SLC2A7: variants seen among roughly 807,000 people sequenced by gnomAD.
SLC2A7 encodes solute carrier family 2 member 7.
SLC2A7 carries 50 observed loss-of-function variants against 50.5 expected under a neutral mutation model. The ratio of observed to expected loss-of-function variants is 0.99; its 90% CI spans 0.79 to 1.25. The LOEUF is 1.25. Among genes scored for constraint, SLC2A7 ranks in the 50% most tolerant of loss-of-function variants. The pLI is 0.00. For missense variants in SLC2A7, 683 were observed against 679.1 expected (o/e 1.01, Z -0.06); for synonymous variants, 308 against 300.4 (o/e 1.03, Z -0.26).
intron 3 of SLC2A7, among the ~76,000 whole-genome samples, chr1:9,019,848 C>T (rs754033286): frequency 1.4e-4 from 22 of 151,990 alleles, no homozygotes; most frequent in Non-Finnish European, 2.8e-4. Flanking sequence ...CACTTGAATC[C>T]GGGAGGCAGA....
At chr1:8,998,952 T>C (rs1027661884), downstream of SLC2A7, among the ~76,000 whole-genome samples, 5 of 152,200 alleles carry the variant, frequency 3.3e-5, no homozygotes, top group African/African-American at 1.2e-4. Flanking sequence ...TATGGCTTCA[T>C]AGAATGAATT....
rs914211793 is a variant in SLC2A7, at chr1:9,008,155, T to A, written c.1117-770A>T. ...CAATGCAAAACCGGGTCAACGGACT[T>A]CAGCCAAACTAACCGGGTGCCCCCA... On this transcript the variant is annotated intron_variant, in intron 9 of 11. Transcript: ENST00000400906. This position sits in a 1 kb window ranked among gnomAD's most constrained non-coding sequence, Gnocchi z 5.9. Among the ~76,000 whole-genome samples, 13 of 152,130 alleles carry A rather than the reference T, an allele frequency of 8.5e-5. No homozygotes were observed. The highest frequency in any genetic ancestry group is 2.9e-4 in the African/African-American group (12 of 41,486).
At chr1:9,016,192 C>T (rs992059019) in intron 5 of SLC2A7, among the ~76,000 whole-genome samples, 1 of 152,246 alleles carries the variant, frequency 6.6e-6, no homozygotes, top group Non-Finnish European at 1.5e-5. Context: ...AACGATCTTT[C>T]ATGGAGCACC....
the SLC2A7 span, among the ~76,000 whole-genome samples, chr1:8,997,292 C>T: frequency 1.8e-3 from 276 of 151,920 alleles, no homozygotes; most frequent in Middle Eastern, 0.02. Context: ...GATAACAGAG[C>T]GAGACCCTGT....
intron 9 of SLC2A7, among the ~76,000 whole-genome samples, chr1:9,009,704 T>C (rs11121293): frequency 0.16 from 23,669 of 152,200 alleles, 2,247 homozygotes; most frequent in African/African-American, 0.26. Flanking sequence ...TGGGTCCTCC[T>C]GCCTTGGCCT....
At chr1:9,006,977 G>A (rs1260005528) in intron 10 of SLC2A7, among the ~76,000 whole-genome samples, 4 of 152,188 alleles carry the variant, frequency 2.6e-5, no homozygotes, top group Non-Finnish European at 4.4e-5. Flanking sequence ...TCTGGAGGGT[G>A]TGGATGTAAA....
intron 10 of SLC2A7, among the ~76,000 whole-genome samples, chr1:9,006,335 A>T (rs933010589): frequency 6.6e-6 from 1 of 152,052 alleles, no homozygotes; most frequent in African/African-American, 2.4e-5. Context: ...GCTTACTGCA[A>T]CCTCTGGGTT....
At chr1:9,021,747 C>A (rs1054782453) in intron 3 of SLC2A7, among the ~76,000 whole-genome samples, 2 of 152,198 alleles carry the variant, frequency 1.3e-5, no homozygotes, top group Non-Finnish European at 2.9e-5. Flanking sequence ...CGTTCCCACC[C>A]TTCTCTGGAC....
At chr1:9,016,332 T>C (rs760288799) in intron 5 of SLC2A7, among the ~76,000 whole-genome samples, 1 of 152,138 alleles carries the variant, frequency 6.6e-6, no homozygotes, top group Non-Finnish European at 1.5e-5. Context: ...CGGCCGGGCA[T>C]AGTGGCTCAT....
the SLC2A7 span, among the ~76,000 whole-genome samples, chr1:8,996,336 T>C: frequency 1.3e-5 from 2 of 152,246 alleles, no homozygotes; most frequent in Admixed American, 6.5e-5. Context: ...TTCATGCAGA[T>C]TGCAGAGCGT....
chr1:9,004,020 GAAA>G (rs34900310), intron 11 of SLC2A7, among the ~76,000 whole-genome samples: 8 of 131,374 alleles, frequency 6.1e-5, no homozygotes, highest in Admixed American at 3.9e-4. Flanking sequence ...TTGTTTGCAG[GAAA>G]AAAAAAAAAA....
chr1:8,999,725 T>G (rs1640550267), downstream of SLC2A7, among the ~76,000 whole-genome samples: 1 of 152,232 alleles, frequency 6.6e-6, no homozygotes, highest in Non-Finnish European at 1.5e-5. Context: ...GGAGGCATTC[T>G]TATTCGGGGG....
At chr1:9,011,110 G>C (rs1486320042) in intron 8 of SLC2A7, among the ~76,000 whole-genome samples, 1 of 152,228 alleles carries the variant, frequency 6.6e-6, no homozygotes, top group East Asian at 1.9e-4. Flanking sequence ...ATTCACACCA[G>C]CTACTCCTAA....
At chr1:9,004,105 T>C (rs1341597160) in intron 11 of SLC2A7, among the ~76,000 whole-genome samples, 1 of 151,462 alleles carries the variant, frequency 6.6e-6, no homozygotes, top group African/African-American at 2.4e-5. Flanking sequence ...CTCACACCTA[T>C]AATCCCAGCA....
At position 9,013,063 on chromosome 1, in the gene SLC2A7, G is replaced by A. The variant is rs144192753; in HGVS notation, c.1014+462C>T. On this transcript the variant is annotated intron_variant, in intron 8 of 11. Coordinates refer to ENST00000400906, the MANE Select transcript of SLC2A7 (RefSeq NM_207420.3). ...CCACCACCATGCCCAGCTCATTTTT[G>A]TATTTTTTAATAGAGATGGGGTTTC... 4.5e-4 allele frequency among the ~76,000 whole-genome samples: 69 copies of A among 152,238 alleles called. No individual in the cohort carries two copies. In the East Asian group the frequency reaches 0.013, roughly 28 times the overall value.
At chr1:9,000,408 T>A (rs1404903906), downstream of SLC2A7, among the ~76,000 whole-genome samples, 1 of 151,902 alleles carries the variant, frequency 6.6e-6, no homozygotes, top group African/African-American at 2.4e-5. Flanking sequence ...CACCTGAGGT[T>A]GGGAGTTCAA....
At chr1:9,015,837 C>T (rs1243597446) in intron 5 of SLC2A7, among the ~76,000 whole-genome samples, 2 of 151,900 alleles carry the variant, frequency 1.3e-5, no homozygotes, top group African/African-American at 2.4e-5. Flanking sequence ...GATCCTCCCA[C>T]CACAGCTTCC....
At chr1:8,997,600 A>G in the SLC2A7 span, among the ~76,000 whole-genome samples, 1 of 152,118 alleles carries the variant, frequency 6.6e-6, no homozygotes, top group South Asian at 2.1e-4. Flanking sequence ...GGGTTTCACC[A>G]TGTTGACCAG....
Position 9,008,078 on chromosome 1 carries a change from C to A in SLC2A7, c.1117-693G>T, listed in dbSNP as rs1024208373. ...TCTGGAGACTCCTAGGACCCCCGGA[C>A]CCGTGGAGCTGGCAGACCACCATCT... On this transcript the variant is annotated intron_variant, in intron 9 of 11. Coordinates refer to ENST00000400906, the MANE Select transcript of SLC2A7 (RefSeq NM_207420.3). The surrounding 1 kb of genome is among the most constrained non-coding windows in gnomAD (Gnocchi z 5.9). 6.6e-6 allele frequency among the ~76,000 whole-genome samples: 1 copy of A among 152,102 alleles called. No individual in the cohort carries two copies. Among genetic ancestry groups the A allele is most frequent in the Admixed American group, 6.6e-5 (1 of 15,266 alleles).
Sources: allele counts gnomAD v4.1 joint callset (sites outside exome capture counted in the v4.1 genomes callset), GRCh38; gene constraint gnomAD v4.1.1; non-coding constraint Gnocchi (gnomAD v3.1); transcripts MANE v1.5; gene names NCBI Gene and HGNC (gene_info 2026-07-23, HGNC 2026-07-21).